The following DCDC2C variants were observed in gnomAD, a reference collection of about 807,000 sequenced individuals.
DCDC2C encodes the protein doublecortin domain containing 2C, also known as doublecortin domain-containing protein 2C.
Under a neutral mutation model 45.0 loss-of-function variants are expected in DCDC2C, and 44 were observed. That is an observed-to-expected ratio of 0.98 (90% CI 0.77 to 1.26). The LOEUF (loss-of-function observed/expected upper bound fraction) is 1.26. Ranked by LOEUF, DCDC2C falls within the 50% of genes most tolerant of loss-of-function variation. DCDC2C has a pLI of 0.00. For missense variants in DCDC2C, 447 were observed against 468.9 expected (o/e 0.95, Z 0.43); for synonymous variants, 187 against 178.8 (o/e 1.05, Z -0.37).
At chr2:3,823,306 G>T (rs576031198) in intron 10 of DCDC2C, among the ~76,000 whole-genome samples, 2 of 150,740 alleles carry the variant, frequency 1.3e-5, no homozygotes, top group African/African-American at 4.9e-5. Flanking sequence ...TTCTATTATT[G>T]ATTTCTAACG....
intron 1 of DCDC2C, among the ~76,000 whole-genome samples, chr2:3,708,326 C>A (rs1260981171): frequency 6.6e-6 from 1 of 152,136 alleles, no homozygotes; most frequent in Non-Finnish European, 1.5e-5. Flanking sequence ...GAGACACTTT[C>A]AAGGGGCAGT....
intron 4 of DCDC2C, among the ~76,000 whole-genome samples, chr2:3,745,808 C>T (rs1298853271): frequency 1.3e-5 from 2 of 151,866 alleles, no homozygotes; most frequent in Non-Finnish European, 2.9e-5. Flanking sequence ...CTCCTGGGCT[C>T]AGAGGATCCT....
chr2:3,839,173 GGTAAGGTCTTT>G (rs954630678), intron 10 of DCDC2C, among the ~76,000 whole-genome samples: 44 of 152,202 alleles, frequency 2.9e-4, no homozygotes, highest in African/African-American at 1.0e-3. Context: ...GTAAGGACTT[GGTAAGGTCTTT>G]GCTGATTTAT....
chr2:3,752,582 A>G (rs1367518344), intron 4 of DCDC2C, 181 bp from the exon 5 acceptor site: 1 of 730,760 alleles, frequency 1.4e-6, no homozygotes, highest in South Asian at 1.5e-5. Flanking sequence ...AGCAAGTCTA[A>G]TCCTGGAAGA....
intron 10 of DCDC2C, among the ~76,000 whole-genome samples, chr2:3,845,458 A>G (rs956843564): frequency 1.3e-5 from 2 of 152,212 alleles, no homozygotes; most frequent in African/African-American, 4.8e-5. Context: ...CCAGTTTCAC[A>G]CCATCTGCCA....
At chr2:3,737,743 A>AG (rs1669072431) in intron 3 of DCDC2C, among the ~76,000 whole-genome samples, 2 of 152,188 alleles carry the variant, frequency 1.3e-5, no homozygotes, top group Non-Finnish European at 2.9e-5. Context: ...TAAAGTGTTC[A>AG]TGGCTAGTGC....
intron 10 of DCDC2C, among the ~76,000 whole-genome samples, chr2:3,806,319 C>T (rs533542268): frequency 1.3e-5 from 2 of 152,312 alleles, no homozygotes; most frequent in East Asian, 3.9e-4. Flanking sequence ...CCCTGGAATC[C>T]CCACGGTTGC....
At chr2:3,715,783 T>A (rs1668336429) in intron 2 of DCDC2C, among the ~76,000 whole-genome samples, 1 of 152,178 alleles carries the variant, frequency 6.6e-6, no homozygotes, top group South Asian at 2.1e-4. Flanking sequence ...GAAGCAGTTG[T>A]ACAAAAAGGA....
chr2:3,767,153 A>G lies in DCDC2C; in HGVS notation c.727-601A>G, dbSNP rs575598634. 3.9e-5 allele frequency among the ~76,000 whole-genome samples: 6 copies of G among 152,392 alleles called. No individual in the cohort carries two copies. In the South Asian group the frequency reaches 8.3e-4, roughly 21 times the overall value. ...GATACTTTCACCTTCGGACATGTTC[A>G]TCAGGATGTGACCACGTCCTAATTT... On this transcript the variant is annotated intron_variant, in intron 6 of 10. Transcript: ENST00000399143.
At chr2:3,760,375 C>A (rs549078752) in intron 6 of DCDC2C, among the ~76,000 whole-genome samples, 4 of 152,314 alleles carry the variant, frequency 2.6e-5, no homozygotes, top group African/African-American at 9.6e-5. Flanking sequence ...AAGACACATG[C>A]ACCCATATGT....
At chr2:3,772,029 A>G (rs1428409703) in intron 8 of DCDC2C, among the ~76,000 whole-genome samples, 1 of 152,238 alleles carries the variant, frequency 6.6e-6, no homozygotes, top group South Asian at 2.1e-4. Flanking sequence ...AGCGTCTCAC[A>G]TGCTGTTTCT....
At chr2:3,820,609 C>T (rs1671664577) in intron 10 of DCDC2C, among the ~76,000 whole-genome samples, 2 of 152,130 alleles carry the variant, frequency 1.3e-5, no homozygotes, top group Admixed American at 6.5e-5. Context: ...ACTGTCTTCC[C>T]AAGTCCGTGA....
intron 2 of DCDC2C, among the ~76,000 whole-genome samples, chr2:3,719,435 G>T (rs1668434594): frequency 1.3e-5 from 2 of 152,196 alleles, no homozygotes; most frequent in Non-Finnish European, 2.9e-5. Context: ...CAAGCCTCTG[G>T]CTGTCCACAT....
intron 6 of DCDC2C, 74 bp downstream of exon 6, chr2:3,754,708 C>G (rs140722135): frequency 3.8e-6 from 5 of 1,323,744 alleles, no homozygotes; most frequent in Non-Finnish European, 5.2e-6. Flanking sequence ...AAGGGCACAG[C>G]GCAGGGTGAC....
At chr2:3,771,451 G>A (rs1670166135) in intron 8 of DCDC2C, among the ~76,000 whole-genome samples, 1 of 152,250 alleles carries the variant, frequency 6.6e-6, no homozygotes, top group African/African-American at 2.4e-5. Flanking sequence ...CACGTGGGAG[G>A]CGCCACTCTC....
intron 1 of DCDC2C, among the ~76,000 whole-genome samples, chr2:3,704,377 G>A (rs965554959): frequency 9.1e-6 from 1 of 109,446 alleles, no homozygotes; most frequent in African/African-American, 3.6e-5. Flanking sequence ...CGTGGGGGAG[G>A]GGTGTGGAGA....
Position 3,717,626 on chromosome 2 carries a change from G to A in DCDC2C, c.339+9026G>A, listed in dbSNP as rs149719717. ...CCTTGTCCCTTTCCCATGTGATCACGTCACTTCCCTTGTTCACATACATTA... is the reference window on the plus strand; with the variant it reads ...CCTTGTCCCTTTCCCATGTGATCACATCACTTCCCTTGTTCACATACATTA... On this transcript the variant is annotated intron_variant, in intron 2 of 10. Transcript: ENST00000399143. Among the ~76,000 whole-genome samples, 1,322 of 152,176 alleles carry A rather than the reference G, an allele frequency of 8.7e-3. 19 individuals carry two copies. The highest frequency in any genetic ancestry group is 0.031 in the African/African-American group (1,266 of 41,488).
chr2:3,735,629 A>G (rs764671859), intron 3 of DCDC2C, among the ~76,000 whole-genome samples: 1 of 152,222 alleles, frequency 6.6e-6, no homozygotes, highest in Non-Finnish European at 1.5e-5. Context: ...TCCTTGAGGC[A>G]TAACGGTCCA....
chr2:3,828,371 C>T (rs1166535838), intron 10 of DCDC2C, among the ~76,000 whole-genome samples: 1 of 152,218 alleles, frequency 6.6e-6, no homozygotes, highest in Non-Finnish European at 1.5e-5. Flanking sequence ...TCACCCGGGG[C>T]TGCCCTCTCT....
Sources: gnomAD v4.1 joint callset for allele counts (sites outside exome capture counted in the v4.1 genomes callset) on GRCh38, gnomAD v4.1.1 for gene constraint, MANE v1.5 for transcripts, NCBI Gene and HGNC (gene_info 2026-07-23, HGNC 2026-07-21) for gene names.